Variants in SLC25A33 observed in about 807,000 individuals in gnomAD.
SLC25A33 encodes the protein solute carrier family 25 member 33.
SLC25A33 carries 15 observed loss-of-function variants against 35.5 expected under a neutral mutation model. The ratio of observed to expected loss-of-function variants is 0.42; its 90% confidence interval spans 0.28 to 0.65. The LOEUF (loss-of-function observed/expected upper bound fraction) is 0.65, where lower values mean the gene tolerates loss of function less well. Among genes scored for constraint, SLC25A33 ranks in the 30% least tolerant of loss-of-function variants. The probability of loss-of-function intolerance (pLI) is 0.20; values close to 1 mark genes in which losing one functional copy is unlikely to be tolerated. For missense variants in SLC25A33, 257 were observed against 398.5 expected (o/e 0.64, Z 3.02); for synonymous variants, 136 against 148.7 (o/e 0.91, Z 0.62).
chr1:9,550,274 A>C (rs1643247839), intron 1 of SLC25A33, among the ~76,000 whole-genome samples: 1 of 150,218 alleles, frequency 6.7e-6, no homozygotes, highest in South Asian at 2.1e-4. Flanking sequence ...ACCTTGAAAG[A>C]GGTCACTGAT....
chr1:9,547,351 G>A (rs1255584283), intron 1 of SLC25A33, among the ~76,000 whole-genome samples: 1 of 152,140 alleles, frequency 6.6e-6, no homozygotes, highest in East Asian at 1.9e-4. Context: ...CTACCCCGGA[G>A]GCTGAGGCAG....
At chr1:9,541,107 G>A (rs950049386) in intron 1 of SLC25A33, among the ~76,000 whole-genome samples, 1 of 151,190 alleles carries the variant, frequency 6.6e-6, no homozygotes, top group African/African-American at 2.4e-5. Context: ...TCAGCCTCCC[G>A]AGTAGCTGGG....
chr1:9,556,669 G>C (rs1362980247), intron 2 of SLC25A33, among the ~76,000 whole-genome samples: 1 of 151,600 alleles, frequency 6.6e-6, no homozygotes, highest in East Asian at 1.9e-4. Context: ...GAGATTGTGT[G>C]TGTGTCTGTG....
rs764228497 is a variant in SLC25A33, at chr1:9,578,994, A to G, written c.483-960A>G. On this transcript the variant is annotated intron_variant, in intron 5 of 6. Coordinates refer to ENST00000302692, the MANE Select transcript of SLC25A33 (RefSeq NM_032315.3). The surrounding 1 kb of genome is among the most constrained non-coding windows in gnomAD (Gnocchi z 4.3). Reference sequence around the variant, plus strand: ...CTAATGTTTTTATGAACATGTTTCTATGACTCTTGATACAGATGTAGCTAG... The same window carrying G: ...CTAATGTTTTTATGAACATGTTTCTGTGACTCTTGATACAGATGTAGCTAG... Among the ~76,000 whole-genome samples, 6 of 152,226 alleles carry G rather than the reference A, an allele frequency of 3.9e-5. No homozygotes were observed. Among genetic ancestry groups the G allele is most frequent in the South Asian group, 4.1e-4 (2 of 4,834 alleles).
intron 5 of SLC25A33, among the ~76,000 whole-genome samples, chr1:9,577,356 G>A (rs942672431): frequency 1.3e-5 from 2 of 152,014 alleles, no homozygotes; most frequent in African/African-American, 2.4e-5. Context: ...GCGTGAACCC[G>A]GGAGCCTGTA....
chr1:9,570,659 C>CAAATGATA (rs1643575630), intron 4 of SLC25A33, among the ~76,000 whole-genome samples: 1 of 146,152 alleles, frequency 6.8e-6, no homozygotes, highest in South Asian at 2.2e-4. Context: ...GTTTGCCCAT[C>CAAATGATA]AAATGATATA....
intron 5 of SLC25A33, chr1:9,576,399 G>A (rs576057069): frequency 8.2e-6 from 3 of 365,426 alleles, no homozygotes; most frequent in East Asian, 7.2e-5. Context: ...AGAATAGCCA[G>A]GTGGGCTTTG....
At chr1:9,564,742 ATATAT>A (rs1557531704) in intron 2 of SLC25A33, among the ~76,000 whole-genome samples, 20 of 86,180 alleles carry the variant, frequency 2.3e-4, no homozygotes, top group South Asian at 8.2e-4. Context: ...AAAAAAAAAT[ATATAT>A]ATATATATAT....
chr1:9,542,266 C>T lies in SLC25A33; in HGVS notation c.56+2519C>T, dbSNP rs1314026598. 2.6e-5 allele frequency among the ~76,000 whole-genome samples: 4 copies of T among 152,060 alleles called. No individual in the cohort carries two copies. The East Asian group carries it at 7.7e-4, about 29-fold the overall frequency. ...CCAGATTCTCCTCCTAGGGCACCAGCCTTATACCTTGTGATGGAGTACATC... is the reference window on the plus strand; with the variant it reads ...CCAGATTCTCCTCCTAGGGCACCAGTCTTATACCTTGTGATGGAGTACATC... On this transcript the variant is annotated intron_variant, in intron 1 of 6. Transcript: ENST00000302692.
intron 2 of SLC25A33, among the ~76,000 whole-genome samples, chr1:9,555,417 CA>C (rs1643329074): frequency 6.6e-6 from 1 of 152,082 alleles, no homozygotes; most frequent in African/African-American, 2.4e-5. Flanking sequence ...CGCACCCAGC[CA>C]CATTTAGCAC....
At position 9,576,990 on chromosome 1, in the gene SLC25A33, TAA is replaced by T; in HGVS notation, c.483-2963_483-2962del. ...GTTCAGCAGGCTGATGAATAAGATC[TAA>T]GAGTTGTCCCGCTACAGAAACAACA... On this transcript the variant is annotated intron_variant, in intron 5 of 6. Coordinates refer to ENST00000302692, the MANE Select transcript of SLC25A33 (RefSeq NM_032315.3). 2.6e-6 allele frequency: 3 copies of T among 1,171,114 alleles called. No homozygotes were observed. The East Asian group carries it at 7.5e-5, about 29-fold the overall frequency. 72.5% of individuals were successfully genotyped at this position (1,171,114 alleles called of 1,614,324 possible). A position where few individuals can be genotyped will look rare whatever the true frequency, so the allele number is the denominator to read the frequency against.
chr1:9,578,866 G>A lies in SLC25A33; in HGVS notation c.483-1088G>A, dbSNP rs568399826. On this transcript the variant is annotated intron_variant, in intron 5 of 6. Transcript: ENST00000302692. The surrounding 1 kb of genome is among the most constrained non-coding windows in gnomAD (Gnocchi z 4.3). ...TGTGACTTAATCTAGCAGATATACC[G>A]TGGTCAGCTATCTGGATTGTTGTCC... 5.3e-4 allele frequency among the ~76,000 whole-genome samples: 81 copies of A among 152,330 alleles called. No individual in the cohort carries two copies. The highest frequency in any genetic ancestry group is 1.7e-3 in the African/African-American group (69 of 41,580).
intron 2 of SLC25A33, chr1:9,556,272 G>A (rs977456985): frequency 1.0e-5 from 10 of 980,786 alleles, no homozygotes; most frequent in African/African-American, 8.7e-5. Flanking sequence ...TGTTACTTCA[G>A]TAACATTCAA....
chr1:9,574,924 C>A (rs1235229684), intron 5 of SLC25A33, among the ~76,000 whole-genome samples: 1 of 152,102 alleles, frequency 6.6e-6, no homozygotes, highest in African/African-American at 2.4e-5. Context: ...CTATTAAGAA[C>A]CCCTGTAGGC....
At chr1:9,580,375 A>G in intron 6 of SLC25A33, 141 bp downstream of exon 6, 1 of 1,074,250 alleles carries the variant, frequency 9.3e-7, no homozygotes, top group Non-Finnish European at 1.3e-6. Context: ...AAACAGCTCT[A>G]ACCGCATGGA....
chr1:9,570,218 C>T lies in SLC25A33; in HGVS notation c.315-40C>T, dbSNP rs901056397. On this transcript the variant is annotated intron_variant, in intron 3 of 6. Transcript: ENST00000302692. Reference sequence around the variant, plus strand: ...TTCTGGAGGGACGTATAAAGTTGCACTGTGATGATTTCTTTATAATGTTCT... The same window carrying T: ...TTCTGGAGGGACGTATAAAGTTGCATTGTGATGATTTCTTTATAATGTTCT... The T allele has an allele frequency of 7.1e-6, 11 of 1,559,224 alleles. No individual in the cohort carries two copies. In the Admixed American group the frequency reaches 1.7e-4, roughly 25 times the overall value.
At chr1:9,558,015 T>C (rs1332756475) in intron 2 of SLC25A33, among the ~76,000 whole-genome samples, 2 of 152,208 alleles carry the variant, frequency 1.3e-5, no homozygotes, top group Non-Finnish European at 2.9e-5. Context: ...AAAACTCCTT[T>C]TACGTGGTAG....
chr1:9,581,886 G>T (rs1245480707), intron 6 of SLC25A33, among the ~76,000 whole-genome samples: 1 of 152,086 alleles, frequency 6.6e-6, no homozygotes, highest in African/African-American at 2.4e-5. Flanking sequence ...GCTGAGGTGG[G>T]AAATAGACAC....
At chr1:9,576,188 C>T (rs185780230) in intron 5 of SLC25A33, among the ~76,000 whole-genome samples, 3 of 152,310 alleles carry the variant, frequency 2.0e-5, no homozygotes, top group East Asian at 3.9e-4. Context: ...TTGTTGCTTG[C>T]ACTAGTCACT....
Sources: gnomAD v4.1 joint callset for allele counts (sites outside exome capture counted in the v4.1 genomes callset) on GRCh38, gnomAD v4.1.1 for gene constraint, Gnocchi (gnomAD v3.1) non-coding constraint, MANE v1.5 for transcripts, NCBI Gene and HGNC (gene_info 2026-07-23, HGNC 2026-07-21) for gene names.